The following PDE1C variants were observed in gnomAD, a reference collection of about 807,000 sequenced individuals.
The protein encoded by PDE1C is dual specificity calcium/calmodulin-dependent 3',5'-cyclic nucleotide phosphodiesterase 1C.
Under a neutral mutation model 93.1 loss-of-function variants are expected in PDE1C, and 62 were observed. The observed-to-expected ratio is 0.67, with a 90% CI of 0.54 to 0.82. PDE1C has a LOEUF of 0.82. Ranked by LOEUF, PDE1C falls within the 40% of genes least tolerant of loss-of-function variation. The probability of loss-of-function intolerance (pLI) is 0.00; values close to 1 mark genes in which losing one functional copy is unlikely to be tolerated. For missense variants in PDE1C, 742 were observed against 884.6 expected (o/e 0.84, Z 2.04); for synonymous variants, 325 against 310.1 (o/e 1.05, Z -0.50).
At chr7:32,332,110 C>T (rs532302690) in intron 1 of PDE1C, among the ~76,000 whole-genome samples, 20 of 152,044 alleles carry the variant, frequency 1.3e-4, no homozygotes, top group Non-Finnish European at 2.2e-4. Context: ...TAATAAATAG[C>T]GAAATCACTG....
intron 1 of PDE1C, among the ~76,000 whole-genome samples, chr7:32,251,264 C>A (rs1418033794): frequency 8.6e-6 from 1 of 115,796 alleles, no homozygotes; most frequent in Non-Finnish European, 1.9e-5. Context: ...ATCCGGCAGC[C>A]CAGGACTAGG....
At chr7:32,341,716 C>T (rs1419380712) in intron 1 of PDE1C, among the ~76,000 whole-genome samples, 1 of 152,086 alleles carries the variant, frequency 6.6e-6, no homozygotes, top group Non-Finnish European at 1.5e-5. Context: ...AAGCACCAAG[C>T]AATTAAAAAT....
intron 1 of PDE1C, among the ~76,000 whole-genome samples, chr7:32,361,609 C>T (rs534747405): frequency 2.0e-5 from 3 of 152,334 alleles, no homozygotes; most frequent in Admixed American, 6.5e-5. Flanking sequence ...CCCTTCCACC[C>T]TGGGGGAAAT....
chr7:31,832,421 A>G (rs2128754249), intron 11 of PDE1C, among the ~76,000 whole-genome samples: 1 of 152,182 alleles, frequency 6.6e-6, no homozygotes, highest in East Asian at 1.9e-4. Context: ...AAAACTGAAG[A>G]TGTAACTTAC....
rs146922780 is a variant in PDE1C, at chr7:31,838,877, A to T, written c.981-906T>A. On this transcript the variant is annotated intron_variant, in intron 9 of 17. Transcript: ENST00000396191. ...TACCAAATACTTCCATCATCCTCAA[A>T]CCTAGCCCCAGGCAAAGTTTGATCT... Among the ~76,000 whole-genome samples, 493 of 152,038 alleles carry T rather than the reference A, an allele frequency of 3.2e-3. 7 individuals are homozygous for T. Among genetic ancestry groups the T allele is most frequent in the African/African-American group, 0.011 (465 of 41,516 alleles).
At chr7:31,646,537 A>G in the PDE1C span, among the ~76,000 whole-genome samples, 2 of 152,226 alleles carry the variant, frequency 1.3e-5, no homozygotes, top group East Asian at 3.9e-4. Context: ...CAGAAGATTA[A>G]ACCTGGGCCA....
In PDE1C at chr7:31,815,909, TG is replaced by T. The variant is rs771651925; in HGVS notation, c.1813+14del. 2.6e-6 allele frequency: 4 copies of T among 1,558,730 alleles called. No homozygotes were observed. Among genetic ancestry groups the T allele is most frequent in the Non-Finnish European group, 3.5e-6 (4 of 1,129,578 alleles). On this transcript the variant is annotated intron_variant, in intron 15 of 17. Coordinates refer to ENST00000396191, the MANE Select transcript of PDE1C (RefSeq NM_001191057.4). ...TGCCGCGAAAAGAGCCCTTCACCAG[TG>T]TAAGTCTACTCACCATTCTGTTGCT... is the stretch of plus-strand genomic sequence containing the variant.
At chr7:31,918,125 G>C (rs1284713109) in intron 2 of PDE1C, among the ~76,000 whole-genome samples, 1 of 152,044 alleles carries the variant, frequency 6.6e-6, no homozygotes, top group Admixed American at 6.6e-5. Context: ...TCAATTAGTA[G>C]CTACCAATTT....
At chr7:32,259,311 C>T (rs1431123492) in intron 1 of PDE1C, among the ~76,000 whole-genome samples, 2 of 152,158 alleles carry the variant, frequency 1.3e-5, no homozygotes, top group South Asian at 2.1e-4. Context: ...TCTTCCTTCT[C>T]CTCTCTCCCT....
chr7:32,087,501 G>GTA (rs1398607531), intron 3 of PDE1C, among the ~76,000 whole-genome samples: 4 of 152,072 alleles, frequency 2.6e-5, no homozygotes, highest in Non-Finnish European at 5.9e-5. Context: ...CCATTACTGG[G>GTA]TATATACCCA....
At chr7:31,935,074 T>G (rs1473123143) in intron 2 of PDE1C, among the ~76,000 whole-genome samples, 1 of 152,174 alleles carries the variant, frequency 6.6e-6, no homozygotes, top group Non-Finnish European at 1.5e-5. Context: ...TAACCTTCCA[T>G]TATGACAAAA....
chr7:31,989,376 T>C (rs982461466), intron 2 of PDE1C, among the ~76,000 whole-genome samples: 10 of 152,174 alleles, frequency 6.6e-5, no homozygotes, highest in African/African-American at 2.4e-4. Flanking sequence ...CAGCTACTTG[T>C]TTTCAATGAT....
chr7:31,722,712 T>C, the PDE1C span, among the ~76,000 whole-genome samples: 1 of 152,148 alleles, frequency 6.6e-6, no homozygotes, highest in African/African-American at 2.4e-5. Flanking sequence ...GGGCAGGTGT[T>C]AACCGCCTAG....
At chr7:31,709,916 C>T in the PDE1C span, among the ~76,000 whole-genome samples, 5 of 152,038 alleles carry the variant, frequency 3.3e-5, no homozygotes, top group African/African-American at 4.8e-5. Flanking sequence ...TTTGGAAAGT[C>T]GAGGGGGAGC....
At chr7:31,724,926 T>G in the PDE1C span, among the ~76,000 whole-genome samples, 2 of 152,272 alleles carry the variant, frequency 1.3e-5, no homozygotes, top group South Asian at 4.1e-4. Flanking sequence ...CAAGTATTGT[T>G]TTTGCTTTCT....
intron 2 of PDE1C, among the ~76,000 whole-genome samples, chr7:31,989,874 T>G (rs1045769292): frequency 2.0e-5 from 3 of 152,198 alleles, no homozygotes; most frequent in African/African-American, 7.2e-5. Flanking sequence ...ATTTCATCCC[T>G]CAACTAGAAA....
chr7:31,972,599 G>A (rs1811104751), intron 2 of PDE1C, among the ~76,000 whole-genome samples: 3 of 152,176 alleles, frequency 2.0e-5, no homozygotes, highest in African/African-American at 7.2e-5. Flanking sequence ...AGACGGCATA[G>A]ACTCTTTTCC....
At chr7:31,734,432 A>G in the PDE1C span, among the ~76,000 whole-genome samples, 37 of 152,318 alleles carry the variant, frequency 2.4e-4, no homozygotes, top group African/African-American at 8.4e-4. Context: ...GTTGGTTAAT[A>G]CAAGTGAGAG....
intron 5 of PDE1C, among the ~76,000 whole-genome samples, chr7:31,875,982 T>C (rs1003939928): frequency 3.3e-5 from 5 of 151,556 alleles, no homozygotes; most frequent in Non-Finnish European, 5.9e-5. Flanking sequence ...TTTTAGGGAA[T>C]TGTATTCTCT....
Sources: allele counts gnomAD v4.1 joint callset (sites outside exome capture counted in the v4.1 genomes callset), GRCh38; gene constraint gnomAD v4.1.1; transcripts MANE v1.5; gene names NCBI Gene and HGNC (gene_info 2026-07-23, HGNC 2026-07-21).